PAWR: variants seen among roughly 807,000 people sequenced by gnomAD.
PAWR encodes PRKC apoptosis WT1 regulator protein.
Under a neutral mutation model 32.0 loss-of-function variants are expected in PAWR, and 23 were observed. The ratio of observed to expected loss-of-function variants is 0.72; its 90% confidence interval spans 0.52 to 1.02. The LOEUF (loss-of-function observed/expected upper bound fraction) is 1.02. PAWR is among the 50% of genes least tolerant of loss of function. PAWR has a pLI of 0.00. For missense variants in PAWR, 457 were observed against 437.7 expected, an observed-to-expected ratio of 1.04 and a Z score of -0.39; for synonymous variants, 226 against 187.1, an observed-to-expected ratio of 1.21 and a Z score of -1.70.
chr12:79,602,642 C>T (rs921897993), intron 4 of PAWR, among the ~76,000 whole-genome samples: 2 of 152,134 alleles, frequency 1.3e-5, no homozygotes, highest in African/African-American at 4.8e-5. Context: ...CTGATGTCAA[C>T]TACTGAAATC....
intron 4 of PAWR, among the ~76,000 whole-genome samples, chr12:79,612,943 A>G (rs1450728091): frequency 6.6e-6 from 1 of 152,154 alleles, no homozygotes; most frequent in Non-Finnish European, 1.5e-5. Context: ...GTCCTCCCAA[A>G]ATTCATATGT....
intron 1 of PAWR, chr12:79,690,651 G>T (rs917127247): frequency 6.3e-6 from 1 of 159,268 alleles, no homozygotes; most frequent in Non-Finnish European, 1.4e-5. Flanking sequence ...CCCCACCAAG[G>T]TCCGCGCCGG....
intron 2 of PAWR, among the ~76,000 whole-genome samples, chr12:79,634,917 TC>T (rs1875888745): frequency 6.6e-6 from 1 of 152,118 alleles, no homozygotes; most frequent in Admixed American, 6.6e-5. Flanking sequence ...CTGGAGGAAT[TC>T]TATAAGGTCT....
chr12:79,632,318 T>C (rs867256784), intron 2 of PAWR, among the ~76,000 whole-genome samples: 732 of 24,492 alleles, frequency 0.03, 91 homozygotes, highest in African/African-American at 0.034. Flanking sequence ...CATACATATA[T>C]ATATATATAT....
At position 79,588,581 on chromosome 12, in the gene PAWR, C is replaced by T. The variant is rs1873454302; in HGVS notation, c.*4026G>A. The T allele has an allele frequency of 6.6e-6, 1 of 151,866 alleles. No individual in the cohort carries two copies. Among genetic ancestry groups the T allele is most frequent in the Non-Finnish European group, 1.5e-5 (1 of 67,850 alleles). 9.4% of individuals were successfully genotyped at this position (151,866 alleles called of 1,614,324 possible). On this transcript the variant is annotated 3_prime_UTR_variant, in exon 7 of 7. Coordinates refer to ENST00000328827, the MANE Select transcript of PAWR (RefSeq NM_002583.4). ...TTTTGAGTAAACTATTCAGATTAGACAGGCTAATGCTAAGACTGCATTTTG... is the reference window on the plus strand; with the variant it reads ...TTTTGAGTAAACTATTCAGATTAGATAGGCTAATGCTAAGACTGCATTTTG...
At chr12:79,656,392 A>C (rs1430900558) in intron 2 of PAWR, among the ~76,000 whole-genome samples, 1 of 152,206 alleles carries the variant, frequency 6.6e-6, no homozygotes, top group Non-Finnish European at 1.5e-5. Flanking sequence ...GAATCTGAGC[A>C]ATATCTAGAA....
intron 4 of PAWR, among the ~76,000 whole-genome samples, chr12:79,606,727 C>A (rs752562054): frequency 6.6e-6 from 1 of 152,132 alleles, no homozygotes; most frequent in Non-Finnish European, 1.5e-5. Context: ...CCATGCTAGG[C>A]AAATTAACAT....
intron 4 of PAWR, among the ~76,000 whole-genome samples, chr12:79,599,168 A>C (rs145024611): frequency 1.3e-5 from 2 of 152,364 alleles, no homozygotes; most frequent in African/African-American, 2.4e-5. Flanking sequence ...AAAAACACCA[A>C]GAGTTCATCC....
At chr12:79,634,666 G>GA (rs201284629) in intron 2 of PAWR, among the ~76,000 whole-genome samples, 5 of 144,360 alleles carry the variant, frequency 3.5e-5, no homozygotes, top group South Asian at 2.1e-4. Context: ...TTAAGAAAAA[G>GA]AACAGAATAG....
chr12:79,618,057 T>A (rs1283354629), intron 3 of PAWR, among the ~76,000 whole-genome samples: 1 of 152,156 alleles, frequency 6.6e-6, no homozygotes, highest in Non-Finnish European at 1.5e-5. Flanking sequence ...AATTATCCAA[T>A]CTCAGGTGTC....
intron 2 of PAWR, among the ~76,000 whole-genome samples, chr12:79,638,994 C>T (rs1876148406): frequency 7.2e-6 from 1 of 137,948 alleles, no homozygotes; most frequent in South Asian, 2.5e-4. Context: ...CTCACTGCAA[C>T]CTCCACCTCC....
chr12:79,598,657 C>T lies in PAWR; in HGVS notation c.684-1999G>A, dbSNP rs140375349. Reference sequence around the variant, plus strand: ...GTAAGGTATTTGATTGTAACCTTTTCAAATGTGCAATACCAAGATCACCAT... The same window carrying T: ...GTAAGGTATTTGATTGTAACCTTTTTAAATGTGCAATACCAAGATCACCAT... On this transcript the variant is annotated intron_variant, in intron 4 of 6. Coordinates refer to ENST00000328827, the MANE Select transcript of PAWR (RefSeq NM_002583.4). 2.1e-3 allele frequency among the ~76,000 whole-genome samples: 325 copies of T among 152,298 alleles called. 2 individuals carry two copies. Among genetic ancestry groups the T allele is most frequent in the African/African-American group, 7.6e-3 (316 of 41,560 alleles).
intron 2 of PAWR, among the ~76,000 whole-genome samples, chr12:79,653,923 A>G (rs1400102956): frequency 6.6e-6 from 1 of 152,238 alleles, no homozygotes; most frequent in Non-Finnish European, 1.5e-5. Context: ...TTGAGGCCTA[A>G]GAACTCAAAC....
chr12:79,690,044 G>A lies in PAWR; in HGVS notation c.201C>T (p.Asn67=). The change falls in exon 2 of 7, where the codon AAC becomes AAT. Residue 67 remains asparagine (N), a synonymous_variant. Transcript: ENST00000328827. Reference sequence around the variant, plus strand: ...CGCCCGGGAGGTTGTTGTTGAGCTCGTTGGCAGCGGCGGCCGCCGGGGTGC... The same window carrying A: ...CGCCCGGGAGGTTGTTGTTGAGCTCATTGGCAGCGGCGGCCGCCGGGGTGC... The part of the protein sequence containing the change: ...ALGTPAAAAA[N]ELNNNLPGGA... 1.5e-6 allele frequency: 2 copies of A among 1,356,268 alleles called. No homozygotes were observed. The highest frequency in any genetic ancestry group is 1.8e-5 in the South Asian group (1 of 54,428). 84.0% of individuals were successfully genotyped at this position (1,356,268 alleles called of 1,614,324 possible).
At chr12:79,666,661 T>TA (rs1239592659) in intron 2 of PAWR, among the ~76,000 whole-genome samples, 1 of 152,162 alleles carries the variant, frequency 6.6e-6, no homozygotes, top group Admixed American at 6.5e-5. Flanking sequence ...ACAAAAATGT[T>TA]AAACAGTGGA....
At chr12:79,594,013 T>C (rs1873655433) in intron 6 of PAWR, among the ~76,000 whole-genome samples, 1 of 152,080 alleles carries the variant, frequency 6.6e-6, no homozygotes, top group South Asian at 2.1e-4. Flanking sequence ...CAATTTTAGA[T>C]ATTTCTTGAG....
chr12:79,638,887 TATATATATA>T (rs1322349430), intron 2 of PAWR, among the ~76,000 whole-genome samples: 2 of 14,224 alleles, frequency 1.4e-4, no homozygotes, highest in Non-Finnish European at 1.5e-4. Flanking sequence ...TATATATATA[TATATATATA>T]TTTTTTTTTT....
chr12:79,671,655 T>C (rs188180713), intron 2 of PAWR, among the ~76,000 whole-genome samples: 6 of 151,824 alleles, frequency 4.0e-5, no homozygotes, highest in East Asian at 1.9e-4. Context: ...TAAAGACAAA[T>C]AGTTCATTTA....
At chr12:79,650,183 A>G (rs1876772444) in intron 2 of PAWR, among the ~76,000 whole-genome samples, 1 of 152,242 alleles carries the variant, frequency 6.6e-6, no homozygotes, top group South Asian at 2.1e-4. Flanking sequence ...CAACCATTTA[A>G]AACAATGAGG....
Sources: gnomAD v4.1 joint callset for allele counts (sites outside exome capture counted in the v4.1 genomes callset) on GRCh38, gnomAD v4.1.1 for gene constraint, MANE v1.5 for transcripts, NCBI Gene and HGNC (gene_info 2026-07-23, HGNC 2026-07-21) for gene names.